GPC3: variants seen among roughly 807,000 people sequenced by gnomAD.
GPC3 encodes glypican-3.
GPC3 carries 3 observed loss-of-function variants against 34.4 expected under a neutral mutation model. The observed-to-expected ratio is 0.09, with a 90% CI of 0.04 to 0.23. The LOEUF (loss-of-function observed/expected upper bound fraction) is 0.23. Ranked by LOEUF, GPC3 falls within the 10% of genes least tolerant of loss-of-function variation. The pLI is 1.00. For synonymous variants in GPC3, 177 were observed against 174.0 expected, an observed-to-expected ratio of 1.02 and a Z score of -0.13; for missense variants, 351 against 445.6, an observed-to-expected ratio of 0.79 and a Z score of 1.91.
chrX:133,976,486 T>C (rs779139952), intron 1 of GPC3, among the ~76,000 whole-genome samples: 14 of 112,298 alleles, frequency 1.2e-4, no homozygotes, highest in Non-Finnish European at 2.4e-4. Flanking sequence ...GTCTAAATAA[T>C]AGAAATCGTT....
At chrX:133,543,645 A>T (rs2069360104) in intron 7 of GPC3, among the ~76,000 whole-genome samples, 1 of 112,474 alleles carries the variant, frequency 8.9e-6, no homozygotes, top group African/African-American at 3.2e-5. Flanking sequence ...GGCCTCTCTT[A>T]TTGTAGGCCT....
chrX:133,567,957 A>C (rs1440864493), intron 7 of GPC3, among the ~76,000 whole-genome samples: 1 of 112,468 alleles, frequency 8.9e-6, no homozygotes, highest in Admixed American at 9.4e-5. Context: ...TTGGCCAAGG[A>C]TAAACAAACA....
chrX:133,803,217 G>A (rs2075619247), intron 2 of GPC3, among the ~76,000 whole-genome samples: 1 of 112,398 alleles, frequency 8.9e-6, no homozygotes, highest in Non-Finnish European at 1.9e-5. Flanking sequence ...GAGCCAGTGC[G>A]CCCGGTAACA....
chrX:133,766,586 T>C (rs1247109888), intron 2 of GPC3, among the ~76,000 whole-genome samples: 1 of 112,331 alleles, frequency 8.9e-6, no homozygotes, highest in Non-Finnish European at 1.9e-5. Flanking sequence ...AACTTAATTT[T>C]CTCTTTCTCT....
At chrX:133,977,855 C>G (rs1366008605) in intron 1 of GPC3, among the ~76,000 whole-genome samples, 3 of 112,085 alleles carry the variant, frequency 2.7e-5, no homozygotes, top group Admixed American at 1.9e-4. Flanking sequence ...ATTAAGAGAA[C>G]TCTCATGAGG....
intron 2 of GPC3, among the ~76,000 whole-genome samples, chrX:133,828,456 C>A (rs2075759987): frequency 9.0e-6 from 1 of 111,706 alleles, no homozygotes; most frequent in Admixed American, 9.5e-5. Flanking sequence ...CTGTGCCTGG[C>A]CTGAAACGAT....
chrX:133,783,090 A>G (rs1057128855), intron 2 of GPC3, among the ~76,000 whole-genome samples: 2 of 110,012 alleles, frequency 1.8e-5, no homozygotes, highest in Non-Finnish European at 3.8e-5. Flanking sequence ...TGGTCAGGAG[A>G]GCCCAAGCAG....
chrX:133,908,500 A>G (rs2076180979), intron 2 of GPC3, among the ~76,000 whole-genome samples: 1 of 111,592 alleles, frequency 9.0e-6, no homozygotes, highest in South Asian at 3.8e-4. Flanking sequence ...GAACCTAACC[A>G]AGACTTGAAG....
intron 2 of GPC3, among the ~76,000 whole-genome samples, chrX:133,892,605 A>C (rs1046955705): frequency 1.8e-5 from 2 of 110,463 alleles, no homozygotes; most frequent in African/African-American, 6.6e-5. Flanking sequence ...TTTTTTTTTA[A>C]CTAAATAGTG....
chrX:133,699,367 CA>C (rs2071145392), intron 4 of GPC3, among the ~76,000 whole-genome samples: 1 of 112,039 alleles, frequency 8.9e-6, no homozygotes, highest in African/African-American at 3.2e-5. Flanking sequence ...GAACCTGGAT[CA>C]GGGGAGAATG....
chrX:133,776,764 C>G (rs887485621), intron 2 of GPC3, among the ~76,000 whole-genome samples: 5 of 111,252 alleles, frequency 4.5e-5, no homozygotes, highest in Admixed American at 1.9e-4. Flanking sequence ...TACCTTATGA[C>G]CTAAGAGACA....
chrX:133,687,398 T>G (rs1453972123), intron 5 of GPC3, among the ~76,000 whole-genome samples: 1 of 81,038 alleles, frequency 1.2e-5, no homozygotes, highest in Non-Finnish European at 2.4e-5. Flanking sequence ...TTTTTTTTTT[T>G]TTTTTTTTTT....
At chrX:133,977,062 G>T (rs1485664883) in intron 1 of GPC3, among the ~76,000 whole-genome samples, 1 of 111,779 alleles carries the variant, frequency 8.9e-6, no homozygotes. Flanking sequence ...TTTAGACAAT[G>T]ATACATTCAG....
chrX:133,551,983 G>C (rs2069437614), intron 7 of GPC3, among the ~76,000 whole-genome samples: 1 of 112,727 alleles, frequency 8.9e-6, no homozygotes, highest in South Asian at 3.6e-4. Flanking sequence ...AGGGGAAAAT[G>C]ATTTGGATTT....
chrX:133,546,942 T>G (rs959392533), intron 7 of GPC3, among the ~76,000 whole-genome samples: 1 of 111,991 alleles, frequency 8.9e-6, no homozygotes, highest in Non-Finnish European at 1.9e-5. Context: ...AATAGATGAA[T>G]GGATAAAGAA....
intron 5 of GPC3, among the ~76,000 whole-genome samples, chrX:133,688,079 T>C (rs909933255): frequency 8.9e-6 from 1 of 112,442 alleles, no homozygotes; most frequent in Non-Finnish European, 1.9e-5. Flanking sequence ...TGAAGCCCAG[T>C]GTTAACTCAG....
chrX:133,950,391 T>C (rs751862147), intron 2 of GPC3, among the ~76,000 whole-genome samples: 1 of 112,130 alleles, frequency 8.9e-6, no homozygotes, highest in South Asian at 3.8e-4. Context: ...CTCGTGGAAC[T>C]GTGCACATAT....
At chrX:133,595,785 G>A (rs1187441522) in intron 7 of GPC3, among the ~76,000 whole-genome samples, 1 of 111,455 alleles carries the variant, frequency 9.0e-6, no homozygotes, top group Non-Finnish European at 1.9e-5. Flanking sequence ...AAATTGCTGC[G>A]ATTACAAGCA....
At chrX:133,643,832 T>C (rs1488195944) in intron 6 of GPC3, among the ~76,000 whole-genome samples, 1 of 93,571 alleles carries the variant, frequency 1.1e-5, no homozygotes, top group Admixed American at 1.1e-4. Context: ...TGTTTTTATG[T>C]TTTTTTTTTT....
Sources: allele counts gnomAD v4.1 joint callset (sites outside exome capture counted in the v4.1 genomes callset), GRCh38; gene constraint gnomAD v4.1.1; transcripts MANE v1.5; gene names NCBI Gene and HGNC (gene_info 2026-07-23, HGNC 2026-07-21).